GART: variants seen among roughly 807,000 people sequenced by gnomAD.
GART encodes phosphoribosylglycinamide formyltransferase, phosphoribosylglycinamide synthetase, phosphoribosylaminoimidazole synthetase, also known as trifunctional purine biosynthetic protein adenosine-3.
Under a neutral mutation model 107.2 loss-of-function variants are expected in GART, and 43 were observed. That is an observed-to-expected ratio of 0.40 (90% CI 0.31 to 0.52). The LOEUF is 0.52. GART is among the 20% of genes least tolerant of loss of function. The pLI is 0.52. For synonymous variants in GART, 434 were observed against 427.0 expected, an observed-to-expected ratio of 1.02 and a Z score of -0.20; for missense variants, 1,107 against 1,206.5, an observed-to-expected ratio of 0.92 and a Z score of 1.22.
At position 33,528,284 on chromosome 21, in the gene GART, A is replaced by T. The variant is rs1224281605; in HGVS notation, c.949T>A (p.Leu317Ile). 6.2e-7 allele frequency: 1 copy of T among 1,614,038 alleles called. No homozygotes were observed. Among genetic ancestry groups the T allele is most frequent in the Non-Finnish European group, 8.5e-7 (1 of 1,180,006 alleles). The change falls in exon 10 of 22, where the codon TTA (leucine) becomes ATA (isoleucine). Residue 317 changes from leucine (L) to isoleucine (I), a missense_variant. Transcript: ENST00000381815. Reference sequence around the variant, plus strand: ...AGAGATGTGCAGAGCAGTCCATCTAAGGTGGACTGAATCACTTCATAAAGA... The same window carrying T: ...AGAGATGTGCAGAGCAGTCCATCTATGGTGGACTGAATCACTTCATAAAGA... Reference protein sequence around the residue: ...SDLYEVIQSTLDGLLCTSLPV... With the variant: ...SDLYEVIQSTIDGLLCTSLPV...
intron 2 of GART, among the ~76,000 whole-genome samples, chr21:33,536,361 T>C (rs1000242638): frequency 2.6e-5 from 4 of 152,198 alleles, no homozygotes; most frequent in Non-Finnish European, 4.4e-5. Context: ...TTTGGCTCCA[T>C]AGGGGCTCTC....
At chr21:33,524,502 A>C (rs920561562) in intron 11 of GART, 6 of 942,768 alleles carry the variant, frequency 6.4e-6, no homozygotes, top group Non-Finnish European at 7.8e-6. Context: ...AAAAATTAAA[A>C]ATATAAAATA....
chr21:33,513,259 C>A (rs1187461703), intron 16 of GART, among the ~76,000 whole-genome samples: 1 of 152,032 alleles, frequency 6.6e-6, no homozygotes, highest in Non-Finnish European at 1.5e-5. Flanking sequence ...GCCACCATGC[C>A]CAGCCTGAAG....
At chr21:33,519,544 ACT>A (rs1363718209) in intron 14 of GART, among the ~76,000 whole-genome samples, 2 of 146,098 alleles carry the variant, frequency 1.4e-5, no homozygotes, top group Non-Finnish European at 3.0e-5. Context: ...ACAGAGCAAG[ACT>A]CTGTTTAAAA....
At chr21:33,517,254 A>C in intron 15 of GART, 103 bp downstream of exon 15, 3 of 1,563,302 alleles carry the variant, frequency 1.9e-6, no homozygotes, top group Admixed American at 3.5e-5. Context: ...TAGCAAACCA[A>C]GGTAATTCAT....
chr21:33,518,062 A>G (rs1723973600), intron 14 of GART, among the ~76,000 whole-genome samples: 1 of 152,246 alleles, frequency 6.6e-6, no homozygotes, highest in South Asian at 2.1e-4. Context: ...TTACAATTAT[A>G]TCATGTCAAG....
At chr21:33,509,730 A>T (rs2084749557) in intron 18 of GART, 53 bp downstream of exon 18, 1 of 1,583,848 alleles carries the variant, frequency 6.3e-7, no homozygotes, top group Non-Finnish European at 8.6e-7. Context: ...GAGTGCGGGG[A>T]GGAAAGGAAG....
intron 2 of GART, among the ~76,000 whole-genome samples, chr21:33,538,499 C>T (rs534523241): frequency 6.6e-6 from 1 of 152,046 alleles, no homozygotes; most frequent in Non-Finnish European, 1.5e-5. Context: ...TCCCAAAGTG[C>T]TGGGATTGTA....
At chr21:33,518,594 C>G (rs1034349430) in intron 14 of GART, 2 of 307,768 alleles carry the variant, frequency 6.5e-6, no homozygotes, top group Non-Finnish European at 1.3e-5. Flanking sequence ...GATCCATAAA[C>G]AATTTCAGAA....
chr21:33,506,069 C>T lies in GART; in HGVS notation c.2488G>A (p.Glu830Lys), dbSNP rs748293027. 18 of 1,613,962 alleles carry T rather than the reference C, an allele frequency of 1.1e-5. No individual in the cohort carries two copies. In the Admixed American group the frequency reaches 3.0e-4, roughly 27 times the overall value. ...NLQALIDSTREPNSSAQIDIV... is the reference protein window; with the variant it reads ...NLQALIDSTRKPNSSAQIDIV... Reference sequence around the variant, plus strand: ...TCAATTTGTGCAGAGCTATTTGGTTCCCGAGTACTGTCTATAAGTGCTTGC... The same window carrying T: ...TCAATTTGTGCAGAGCTATTTGGTTTCCGAGTACTGTCTATAAGTGCTTGC... The change falls in exon 19 of 22, where the codon GAA becomes AAA. Residue 830 changes from glutamate (E) to lysine (K), a missense_variant. Coordinates refer to ENST00000381815, the MANE Select transcript of GART (RefSeq NM_000819.5).
chr21:33,523,656 A>C (rs771739316), intron 11 of GART, among the ~76,000 whole-genome samples: 5 of 152,156 alleles, frequency 3.3e-5, no homozygotes, highest in Non-Finnish European at 5.9e-5. Context: ...CACGAACAAT[A>C]GCAAATGTGA....
In GART at chr21:33,524,833, A is replaced by C. The variant is rs2085039806; in HGVS notation, c.1234T>G (p.Phe412Val). The C allele has an allele frequency of 6.2e-7, 1 of 1,614,070 alleles. No individual in the cohort carries two copies. Among genetic ancestry groups the C allele is most frequent in the Non-Finnish European group, 8.5e-7 (1 of 1,180,026 alleles). ...TCTTTCCTATAAATTGCTCCCTCAA[A>C]CTTTATAGCAGCTAGTCCTTTCTTG... ...EAKKGLAAIK[F>V]EGAIYRKDVG... is the part of the protein sequence containing the mutation. Residue 412 changes from phenylalanine to valine, a missense_variant, in exon 11 of 22, where the codon TTT (phenylalanine) becomes GTT (valine). Physicochemically the swap from Phe to Val is conservative, Grantham distance 50. Transcript: ENST00000381815.
At chr21:33,521,602 A>G (rs2084974344) in intron 12 of GART, among the ~76,000 whole-genome samples, 1 of 148,484 alleles carries the variant, frequency 6.7e-6, no homozygotes, top group South Asian at 2.1e-4. Context: ...ACTGCACTCC[A>G]GCCTGGGCGA....
chr21:33,507,859 A>C (rs1037076160), intron 18 of GART, among the ~76,000 whole-genome samples: 1 of 152,102 alleles, frequency 6.6e-6, no homozygotes, highest in African/African-American at 2.4e-5. Context: ...CAAAACAAAA[A>C]AAAACTGAAA....
Position 33,534,597 on chromosome 21 carries a change from G to C in GART, c.398C>G (p.Ala133Gly), listed in dbSNP as rs771362138. The change falls in exon 4 of 22, where the codon GCC becomes GGC. Residue 133 changes from alanine to glycine, a missense_variant. Coordinates refer to ENST00000381815, the MANE Select transcript of GART (RefSeq NM_000819.5). ...QWKAFTKPEE[A>G]CSFILSADFP... is the part of the protein sequence containing the mutation. The stretch of plus-strand genomic sequence containing the variant: ...TACCTACCTCAAAATGAAGCTGCAG[G>C]CTTCTTCAGGTTTGGTGAAAGCCTT... 3 of 1,614,102 alleles carry C rather than the reference G, an allele frequency of 1.9e-6. No individual in the cohort carries two copies. Among genetic ancestry groups the C allele is most frequent in the Non-Finnish European group, 2.5e-6 (3 of 1,180,004 alleles).
chr21:33,521,695 C>T (rs563449556), intron 12 of GART, among the ~76,000 whole-genome samples: 3 of 148,920 alleles, frequency 2.0e-5, no homozygotes, highest in Non-Finnish European at 3.0e-5. Context: ...CATGGTGGCT[C>T]ATGCCTATAA....
At chr21:33,533,829 C>T (rs1450660401) in intron 4 of GART, among the ~76,000 whole-genome samples, 1 of 151,580 alleles carries the variant, frequency 6.6e-6, no homozygotes, top group African/African-American at 2.4e-5. Flanking sequence ...CACTTGAGTC[C>T]AGGAAGCAGA....
intron 5 of GART, 198 bp from the exon 6 acceptor site, chr21:33,531,755 A>G: frequency 1.9e-6 from 1 of 532,928 alleles, no homozygotes; most frequent in Non-Finnish European, 3.3e-6. Flanking sequence ...TGTAGCTAAC[A>G]CTGGTACAGA....
intron 5 of GART, 186 bp from the exon 6 acceptor site, chr21:33,531,743 A>G (rs2145746650): frequency 1.7e-6 from 1 of 579,922 alleles, no homozygotes; most frequent in South Asian, 2.4e-5. Context: ...ATGTGGCAAT[A>G]GTGTAGCTAA....
Sources: allele counts gnomAD v4.1 joint callset (sites outside exome capture counted in the v4.1 genomes callset), GRCh38; gene constraint gnomAD v4.1.1; transcripts MANE v1.5; gene names NCBI Gene and HGNC (gene_info 2026-07-23, HGNC 2026-07-21).